The following KDM4C variants were observed in gnomAD, a reference collection of about 807,000 sequenced individuals.
The protein encoded by KDM4C is lysine demethylase 4C, also known as lysine-specific demethylase 4C.
In KDM4C, 81 loss-of-function variants were observed where a neutral mutation model predicts 129.3. That is an observed-to-expected ratio of 0.63 (90% CI 0.52 to 0.75). The LOEUF (loss-of-function observed/expected upper bound fraction) is 0.75. KDM4C is among the 30% of genes least tolerant of loss of function. The pLI, the probability that KDM4C is intolerant of heterozygous loss-of-function variation, is 0.00. For synonymous variants in KDM4C, 573 were observed against 456.1 expected (o/e 1.26, Z -3.26); for missense variants, 1,457 against 1,304.0 (o/e 1.12, Z -1.81).
At position 6,721,149 on chromosome 9, in the gene KDM4C, C is replaced by T. The variant is rs543377963; in HGVS notation, c.49+152C>T. On this transcript the variant is annotated intron_variant, in intron 1 of 17. Transcript: ENST00000536108. ...AGGGCAGTGGTGCAATCACACCTCACTGCAGCCTCAACATCCCAGGCTCAG... is the reference window on the plus strand; with the variant it reads ...AGGGCAGTGGTGCAATCACACCTCATTGCAGCCTCAACATCCCAGGCTCAG... 1.0e-5 allele frequency: 6 copies of T among 589,442 alleles called. No homozygotes were observed. The Admixed American group carries it at 1.4e-4, about 14-fold the overall frequency. The allele number at this position is 589,442 out of a possible 1,614,324, so 36.5% of individuals were successfully genotyped here. A position where few individuals can be genotyped will look rare whatever the true frequency, so the allele number is the denominator to read the frequency against.
At chr9:6,737,180 A>C (rs968606472) in intron 1 of KDM4C, among the ~76,000 whole-genome samples, 25 of 152,066 alleles carry the variant, frequency 1.6e-4, no homozygotes, top group African/African-American at 5.8e-4. Flanking sequence ...AAAATTGACA[A>C]ACGGGACCTA....
chr9:7,100,325 C>T (rs972465979), intron 17 of KDM4C, among the ~76,000 whole-genome samples: 5 of 152,088 alleles, frequency 3.3e-5, no homozygotes, highest in African/African-American at 9.7e-5. Flanking sequence ...TATCAAATCT[C>T]AGTATGCATA....
chr9:7,118,928 AC>A (rs1467605877), intron 18 of KDM4C, among the ~76,000 whole-genome samples: 2 of 152,252 alleles, frequency 1.3e-5, no homozygotes, highest in African/African-American at 2.4e-5. Flanking sequence ...GACTACCTAT[AC>A]GGCCAAAGCA....
intron 17 of KDM4C, among the ~76,000 whole-genome samples, chr9:7,087,730 T>A (rs1835300870): frequency 6.6e-6 from 1 of 152,224 alleles, no homozygotes; most frequent in Non-Finnish European, 1.5e-5. Flanking sequence ...GCCTGTTCTT[T>A]TATTTGTTAA....
At chr9:6,726,000 C>T (rs1817115363) in intron 1 of KDM4C, among the ~76,000 whole-genome samples, 1 of 151,568 alleles carries the variant, frequency 6.6e-6, no homozygotes, top group Non-Finnish European at 1.5e-5. Flanking sequence ...GATCTCGGCT[C>T]ACTGCAACCT....
chr9:6,769,986 G>C (rs999517444), intron 1 of KDM4C, among the ~76,000 whole-genome samples: 1 of 152,116 alleles, frequency 6.6e-6, no homozygotes, highest in Non-Finnish European at 1.5e-5. Flanking sequence ...TTTGAGACCA[G>C]CCTGGCCTAC....
chr9:7,029,332 A>G (rs1027411928), intron 15 of KDM4C, among the ~76,000 whole-genome samples: 2 of 149,498 alleles, frequency 1.3e-5, no homozygotes, highest in African/African-American at 2.4e-5. Context: ...AAAATTGTTA[A>G]GGCTAAGTAT....
At chr9:7,001,162 A>G (rs1475606960) in intron 12 of KDM4C, among the ~76,000 whole-genome samples, 6 of 152,204 alleles carry the variant, frequency 3.9e-5, no homozygotes, top group African/African-American at 1.4e-4. Context: ...AAATGGTGAG[A>G]TGAGTATATC....
At chr9:7,130,264 G>A (rs1301964086) in intron 19 of KDM4C, among the ~76,000 whole-genome samples, 6 of 152,336 alleles carry the variant, frequency 3.9e-5, no homozygotes, top group African/African-American at 1.4e-4. Context: ...AGGTAAAACA[G>A]TGAGGTCTTT....
At chr9:7,038,584 G>A (rs894625461) in intron 15 of KDM4C, among the ~76,000 whole-genome samples, 1 of 151,906 alleles carries the variant, frequency 6.6e-6, no homozygotes, top group Admixed American at 6.6e-5. Context: ...GATAATTCCA[G>A]TTCCCACCAG....
intron 19 of KDM4C, among the ~76,000 whole-genome samples, chr9:7,162,902 C>T (rs1039176923): frequency 6.6e-6 from 1 of 151,936 alleles, no homozygotes. Flanking sequence ...TGAGGAAAAG[C>T]GAGACAAAGG....
chr9:7,071,206 ATTG>A (rs1303996971), intron 17 of KDM4C, among the ~76,000 whole-genome samples: 2 of 152,214 alleles, frequency 1.3e-5, no homozygotes, highest in African/African-American at 2.4e-5. Context: ...TGGAAGACAC[ATTG>A]TTGTTAAAAT....
intron 8 of KDM4C, among the ~76,000 whole-genome samples, chr9:6,914,780 G>C (rs1820005210): frequency 6.6e-6 from 1 of 152,210 alleles, no homozygotes; most frequent in East Asian, 1.9e-4. Flanking sequence ...GCCATGTGAG[G>C]ATACAGAAAC....
intron 12 of KDM4C, among the ~76,000 whole-genome samples, chr9:7,004,845 A>G (rs1821364278): frequency 6.6e-6 from 1 of 152,190 alleles, no homozygotes; most frequent in South Asian, 2.1e-4. Flanking sequence ...CATTTACAGC[A>G]TACATTTTCA....
At chr9:6,888,812 G>A (rs1296362132) in intron 7 of KDM4C, among the ~76,000 whole-genome samples, 4 of 28,254 alleles carry the variant, frequency 1.4e-4, no homozygotes, top group East Asian at 1.5e-3. Flanking sequence ...TTTTGAGACG[G>A]AGTCTCGCTC....
intron 4 of KDM4C, among the ~76,000 whole-genome samples, chr9:6,821,823 C>G (rs1045746086): frequency 1.3e-5 from 2 of 152,074 alleles, no homozygotes; most frequent in African/African-American, 4.8e-5. Flanking sequence ...TTAGCAGAGA[C>G]CGTGATTCGC....
At chr9:6,728,948 G>A (rs1197435712) in intron 1 of KDM4C, among the ~76,000 whole-genome samples, 1 of 151,972 alleles carries the variant, frequency 6.6e-6, no homozygotes, top group Non-Finnish European at 1.5e-5. Context: ...GTTCACGCCT[G>A]TAATCCCAGT....
chr9:7,054,827 C>G (rs1830652328), intron 17 of KDM4C, among the ~76,000 whole-genome samples: 1 of 152,114 alleles, frequency 6.6e-6, no homozygotes, highest in Non-Finnish European at 1.5e-5. Flanking sequence ...GTAGCAGATC[C>G]TAAATGCAAC....
chr9:6,784,214 C>T (rs774673722), intron 1 of KDM4C, among the ~76,000 whole-genome samples: 5 of 152,102 alleles, frequency 3.3e-5, no homozygotes, highest in Non-Finnish European at 5.9e-5. Context: ...GCAGAGGCCT[C>T]ATTTAAGTAA....
Sources: allele counts gnomAD v4.1 joint callset (sites outside exome capture counted in the v4.1 genomes callset), GRCh38; gene constraint gnomAD v4.1.1; transcripts MANE v1.5; gene names NCBI Gene and HGNC (gene_info 2026-07-23, HGNC 2026-07-21).